DOCK2: variants seen among roughly 807,000 people sequenced by gnomAD.
The protein encoded by DOCK2 is dedicator of cytokinesis 2, also known as dedicator of cytokinesis protein 2.
DOCK2 carries 87 observed loss-of-function variants against 248.9 expected under a neutral mutation model. That is an observed-to-expected ratio of 0.35 (90% CI 0.29 to 0.42). The LOEUF is 0.42. DOCK2 is among the 10% of genes least tolerant of loss of function. The pLI, the probability that DOCK2 is intolerant of heterozygous loss-of-function variation, is 1.00. For missense variants in DOCK2, 1,747 were observed against 2,300.2 expected, an observed-to-expected ratio of 0.76 and a Z score of 4.92; for synonymous variants, 805 against 821.6, an observed-to-expected ratio of 0.98 and a Z score of 0.35.
At chr5:169,696,512 C>A (rs1309524233) in intron 10 of DOCK2, among the ~76,000 whole-genome samples, 1 of 152,218 alleles carries the variant, frequency 6.6e-6, no homozygotes, top group African/African-American at 2.4e-5. Flanking sequence ...TGTTTGACTA[C>A]CACTTGTACT....
chr5:169,853,237 T>G (rs1770707668), intron 27 of DOCK2, among the ~76,000 whole-genome samples: 1 of 152,238 alleles, frequency 6.6e-6, no homozygotes, highest in Non-Finnish European at 1.5e-5. Flanking sequence ...GCCTCTTTGT[T>G]TTGTACATTG....
rs112031353 is a variant in DOCK2 at position 169,862,433 on chromosome 5, C to T, written c.2799+21581C>T. On this transcript the variant is annotated intron_variant, in intron 27 of 51. Coordinates refer to ENST00000520908, the MANE Select transcript of DOCK2 (RefSeq NM_004946.3). ...ACATAAGAGGTCCCAAATGATTTCA[C>T]TTTATTGGATTATCCTCTATTCTGT... Among the ~76,000 whole-genome samples, 71 of 152,266 alleles carry T rather than the reference C, an allele frequency of 4.7e-4. 1 individual carries two copies. Among genetic ancestry groups the T allele is most frequent in the African/African-American group, 1.5e-3 (63 of 41,542 alleles).
intron 24 of DOCK2, 59 bp downstream of exon 24, chr5:169,759,834 G>A: frequency 6.2e-7 from 1 of 1,600,492 alleles, no homozygotes; most frequent in East Asian, 2.2e-5. Flanking sequence ...TTCAGAGTGG[G>A]AGGAGGGCTC....
intron 1 of DOCK2, among the ~76,000 whole-genome samples, chr5:169,653,750 G>A (rs977476723): frequency 1.3e-5 from 2 of 152,228 alleles, no homozygotes. Context: ...GTCATTGCAG[G>A]TGGACCTGTC....
intron 28 of DOCK2, among the ~76,000 whole-genome samples, chr5:169,985,221 T>C (rs1195600577): frequency 6.6e-6 from 1 of 152,102 alleles, no homozygotes; most frequent in Non-Finnish European, 1.5e-5. Context: ...TTGCTTTAAT[T>C]TGTGTTTTCC....
chr5:170,014,229 T>C (rs1257219321), intron 32 of DOCK2, among the ~76,000 whole-genome samples: 6 of 152,148 alleles, frequency 3.9e-5, no homozygotes, highest in African/African-American at 1.2e-4. Context: ...TACTCATTCA[T>C]GTAATAACCA....
At chr5:169,765,102 A>ACACACACC (rs749426179) in intron 25 of DOCK2, among the ~76,000 whole-genome samples, 3 of 147,848 alleles carry the variant, frequency 2.0e-5, no homozygotes, top group Middle Eastern at 3.5e-3. Flanking sequence ...ACACACACAC[A>ACACACACC]CCCCACACAC....
intron 25 of DOCK2, among the ~76,000 whole-genome samples, chr5:169,796,415 T>C (rs58238296): frequency 0.013 from 1,946 of 152,316 alleles, 33 homozygotes; most frequent in African/African-American, 0.04. Flanking sequence ...AATTGCATTA[T>C]ATCAAAAGGC....
At chr5:169,755,730 T>A (rs1469320457) in intron 23 of DOCK2, among the ~76,000 whole-genome samples, 2 of 152,002 alleles carry the variant, frequency 1.3e-5, no homozygotes, top group Non-Finnish European at 2.9e-5. Flanking sequence ...GGCGACAGAG[T>A]GAGACTCCGT....
chr5:169,804,497 T>TGCACGC (rs1767221572), intron 26 of DOCK2, among the ~76,000 whole-genome samples: 1 of 32,222 alleles, frequency 3.1e-5, no homozygotes, highest in African/African-American at 5.6e-5. Context: ...CGCGCGCGCG[T>TGCACGC]GCGCGTAAGC....
chr5:169,973,260 C>T (rs1165919609), intron 27 of DOCK2, among the ~76,000 whole-genome samples: 2 of 152,192 alleles, frequency 1.3e-5, no homozygotes, highest in East Asian at 3.9e-4. Flanking sequence ...TATAAATCCT[C>T]ACCCACAATG....
chr5:169,708,301 A>T (rs1458646225), intron 15 of DOCK2, 34 bp downstream of exon 15: 1 of 1,586,070 alleles, frequency 6.3e-7, no homozygotes. Flanking sequence ...ACACATGTCT[A>T]GTTCTTACCA....
At chr5:169,983,849 A>G (rs879537193) in intron 28 of DOCK2, among the ~76,000 whole-genome samples, 1 of 152,154 alleles carries the variant, frequency 6.6e-6, no homozygotes, top group African/African-American at 2.4e-5. Context: ...AGTGGCCCAT[A>G]AAAAAAGGAA....
intron 33 of DOCK2, among the ~76,000 whole-genome samples, chr5:170,024,494 T>C (rs1040081929): frequency 6.6e-6 from 1 of 151,226 alleles, no homozygotes; most frequent in Non-Finnish European, 1.5e-5. Flanking sequence ...TAAATGAGAG[T>C]ATGATGCCTA....
At chr5:169,756,982 A>T (rs905176486) in intron 23 of DOCK2, among the ~76,000 whole-genome samples, 10 of 152,028 alleles carry the variant, frequency 6.6e-5, no homozygotes, top group Non-Finnish European at 8.8e-5. Context: ...CACATGCCTC[A>T]GTATATGGTA....
chr5:169,747,340 C>T, intron 22 of DOCK2, 56 bp from the exon 23 acceptor site: 1 of 1,526,778 alleles, frequency 6.5e-7, no homozygotes, highest in South Asian at 1.2e-5. Context: ...CTAGTACACA[C>T]TTTTAAAAGT....
At chr5:169,809,054 C>T (rs532512577) in intron 26 of DOCK2, among the ~76,000 whole-genome samples, 1 of 151,874 alleles carries the variant, frequency 6.6e-6, no homozygotes, top group Non-Finnish European at 1.5e-5. Context: ...TGCAGTGGCG[C>T]AATCTCAGCT....
intron 27 of DOCK2, among the ~76,000 whole-genome samples, chr5:169,893,707 A>G (rs1358421823): frequency 1.3e-5 from 2 of 152,192 alleles, no homozygotes; most frequent in African/African-American, 4.8e-5. Context: ...GAAAAAAACA[A>G]CAGGAAGCCA....
At chr5:169,640,472 AAAAC>A (rs1353204704) in intron 1 of DOCK2, among the ~76,000 whole-genome samples, 3 of 152,242 alleles carry the variant, frequency 2.0e-5, no homozygotes, top group African/African-American at 4.8e-5. Context: ...TGAACAAGAG[AAAAC>A]AAACAAGTTT....
Sources: allele counts gnomAD v4.1 joint callset (sites outside exome capture counted in the v4.1 genomes callset), GRCh38; gene constraint gnomAD v4.1.1; transcripts MANE v1.5; gene names NCBI Gene and HGNC (gene_info 2026-07-23, HGNC 2026-07-21).